The following DCLK1 variants were observed in gnomAD, a reference collection of about 807,000 sequenced individuals.
DCLK1 encodes doublecortin like kinase 1.
A neutral mutation model predicts 86.2 loss-of-function variants in DCLK1; 16 were observed. The ratio of observed to expected loss-of-function variants is 0.19; its 90% CI spans 0.13 to 0.28. The LOEUF (loss-of-function observed/expected upper bound fraction) is 0.28, where lower values mean the gene tolerates loss of function less well. Ranked by LOEUF, DCLK1 falls within the 10% of genes least tolerant of loss-of-function variation. The pLI, the probability that DCLK1 is intolerant of heterozygous loss-of-function variation, is 1.00. For missense variants in DCLK1, 590 were observed against 940.2 expected, an observed-to-expected ratio of 0.63 and a Z score of 4.87; for synonymous variants, 369 against 370.5, an observed-to-expected ratio of 1.00 and a Z score of 0.05.
chr13:35,937,164 G>T (rs1876809357), intron 4 of DCLK1, among the ~76,000 whole-genome samples: 1 of 150,796 alleles, frequency 6.6e-6, no homozygotes, highest in African/African-American at 2.4e-5. Flanking sequence ...TAGTAGATAC[G>T]GGGTTTCATT....
intron 2 of DCLK1, among the ~76,000 whole-genome samples, chr13:36,124,490 A>G (rs1342775056): frequency 2.0e-5 from 3 of 152,236 alleles, no homozygotes; most frequent in African/African-American, 7.2e-5. Flanking sequence ...CATTTCTGCC[A>G]AGGGATGAAG....
intron 3 of DCLK1, among the ~76,000 whole-genome samples, chr13:35,995,253 T>C (rs1204572523): frequency 6.6e-6 from 1 of 152,194 alleles, no homozygotes; most frequent in Non-Finnish European, 1.5e-5. Flanking sequence ...ATTGTAAAGA[T>C]ACAATCCAAA....
intron 1 of DCLK1, among the ~76,000 whole-genome samples, chr13:36,126,993 G>C (rs113875700): frequency 2.1e-4 from 32 of 152,338 alleles, no homozygotes; most frequent in African/African-American, 5.5e-4. Context: ...TTGCAGGGCA[G>C]AGGGCTAATC....
chr13:35,890,102 T>C (rs968311436), intron 4 of DCLK1, among the ~76,000 whole-genome samples: 3 of 152,140 alleles, frequency 2.0e-5, no homozygotes, highest in South Asian at 2.1e-4. Flanking sequence ...GTAAAAATGT[T>C]CTTGCATTTT....
chr13:35,982,451 G>C (rs183390913), intron 3 of DCLK1, among the ~76,000 whole-genome samples: 3 of 86,898 alleles, frequency 3.5e-5, no homozygotes, highest in Non-Finnish European at 4.9e-5. Flanking sequence ...AGGGAGGGAG[G>C]GAGGGAGGGA....
At chr13:35,828,934 C>T (rs915658114) in intron 8 of DCLK1, among the ~76,000 whole-genome samples, 3 of 152,084 alleles carry the variant, frequency 2.0e-5, no homozygotes, top group African/African-American at 7.2e-5. Flanking sequence ...AGTGTGAGAG[C>T]CTGTGTGAGT....
intron 3 of DCLK1, among the ~76,000 whole-genome samples, chr13:36,075,226 T>C (rs1884151708): frequency 6.6e-6 from 1 of 152,242 alleles, no homozygotes; most frequent in African/African-American, 2.4e-5. Context: ...TTTAAATTCC[T>C]TCCAGATCAC....
At chr13:36,071,495 C>G (rs1013769747) in intron 3 of DCLK1, among the ~76,000 whole-genome samples, 1 of 152,130 alleles carries the variant, frequency 6.6e-6, no homozygotes, top group Non-Finnish European at 1.5e-5. Flanking sequence ...TCAAGTATGG[C>G]TAATTCCAAA....
intron 3 of DCLK1, among the ~76,000 whole-genome samples, chr13:36,016,847 A>G (rs1881554840): frequency 6.6e-6 from 1 of 152,224 alleles, no homozygotes; most frequent in African/African-American, 2.4e-5. Context: ...GAAATATTTT[A>G]TATTATTTTA....
chr13:36,079,799 A>G (rs1443820691), intron 3 of DCLK1, among the ~76,000 whole-genome samples: 2 of 152,216 alleles, frequency 1.3e-5, no homozygotes, highest in African/African-American at 4.8e-5. Context: ...AGATATCCAA[A>G]AGGCAAGCAA....
intron 3 of DCLK1, among the ~76,000 whole-genome samples, chr13:35,992,441 T>C (rs1189026657): frequency 3.1e-5 from 4 of 128,378 alleles, no homozygotes; most frequent in Non-Finnish European, 5.3e-5. Context: ...CAAAAGAAAG[T>C]GCTTTTTTTT....
chr13:35,815,116 T>C (rs891414283), intron 11 of DCLK1, among the ~76,000 whole-genome samples: 1 of 152,146 alleles, frequency 6.6e-6, no homozygotes, highest in Non-Finnish European at 1.5e-5. Flanking sequence ...TTGCACAGGA[T>C]TGTTTTTGAA....
intron 3 of DCLK1, among the ~76,000 whole-genome samples, chr13:36,075,035 G>A (rs2153162297): frequency 6.6e-6 from 1 of 152,298 alleles, no homozygotes; most frequent in Non-Finnish European, 1.5e-5. Context: ...AAATGTTTAA[G>A]GGGGGAAAAA....
rs1878115572 is a variant in DCLK1, at chr13:35,958,007, AC to A, written c.724-10551del. 2.7e-5 allele frequency among the ~76,000 whole-genome samples: 4 copies of A among 149,434 alleles called. No individual in the cohort carries two copies. The South Asian group carries it at 8.6e-4, about 32-fold the overall frequency. On this transcript the variant is annotated intron_variant, in intron 3 of 16. Transcript: ENST00000360631. ...AACCACCACCACCACCACCATTATC[AC>A]CATCACCATCACACACCACAACTAC...
At chr13:35,856,151 A>G (rs1871040740) in intron 5 of DCLK1, among the ~76,000 whole-genome samples, 1 of 152,232 alleles carries the variant, frequency 6.6e-6, no homozygotes, top group African/African-American at 2.4e-5. Flanking sequence ...TCCTAAAAAT[A>G]GAAACCTAAA....
chr13:36,041,184 C>G (rs1269465680), intron 3 of DCLK1, among the ~76,000 whole-genome samples: 1 of 152,164 alleles, frequency 6.6e-6, no homozygotes, highest in East Asian at 1.9e-4. Context: ...AAAAATATTT[C>G]TATATGTAAC....
chr13:35,896,930 C>T (rs555750426), intron 4 of DCLK1, among the ~76,000 whole-genome samples: 7 of 152,188 alleles, frequency 4.6e-5, no homozygotes, highest in South Asian at 2.1e-4. Context: ...GGAACACTTG[C>T]GGTGCACCTT....
intron 5 of DCLK1, among the ~76,000 whole-genome samples, chr13:35,870,014 C>T (rs565219233): frequency 7.9e-5 from 12 of 152,262 alleles, no homozygotes; most frequent in South Asian, 6.2e-4. Flanking sequence ...TTTAGCAATG[C>T]CTCATTTTAG....
In DCLK1 at chr13:35,770,631, T is replaced by C. The variant is rs1236671788; in HGVS notation, c.*3904A>G. 6.6e-6 allele frequency: 1 copy of C among 152,234 alleles called. No individual in the cohort carries two copies. Among genetic ancestry groups the C allele is most frequent in the East Asian group, 1.9e-4 (1 of 5,176 alleles). The allele number at this position is 152,234 out of a possible 1,614,324, so 9.4% of individuals were successfully genotyped here. A position where few individuals can be genotyped will look rare whatever the true frequency, so the allele number is the denominator to read the frequency against. ...TAAAATCTTTGGGCAAAAAAAAATATCATGTAGCAGTTAAAAAAATTATTG... is the reference window on the plus strand; with the variant it reads ...TAAAATCTTTGGGCAAAAAAAAATACCATGTAGCAGTTAAAAAAATTATTG... On this transcript the variant is annotated 3_prime_UTR_variant, in exon 17 of 17. Coordinates refer to ENST00000360631, the MANE Select transcript of DCLK1 (RefSeq NM_001330071.2).
Sources: gnomAD v4.1 joint callset for allele counts (sites outside exome capture counted in the v4.1 genomes callset) on GRCh38, gnomAD v4.1.1 for gene constraint, MANE v1.5 for transcripts, NCBI Gene and HGNC (gene_info 2026-07-23, HGNC 2026-07-21) for gene names.